The following SCAPER variants were observed in gnomAD, a reference collection of about 807,000 sequenced individuals.
The protein encoded by SCAPER is S phase cyclin A-associated protein in the endoplasmic reticulum.
In SCAPER, 98 loss-of-function variants were observed where a neutral mutation model predicts 182.2. That is an observed-to-expected ratio of 0.54 (90% CI 0.46 to 0.64). The LOEUF (loss-of-function observed/expected upper bound fraction) is 0.64, where lower values mean the gene tolerates loss of function less well. Among genes scored for constraint, SCAPER ranks in the 30% least tolerant of loss-of-function variants. The pLI is 0.00. For missense variants in SCAPER, 1,432 were observed against 1,690.0 expected (o/e 0.85, Z 2.68); for synonymous variants, 605 against 564.6 (o/e 1.07, Z -1.01).
intron 23 of SCAPER, among the ~76,000 whole-genome samples, chr15:76,524,700 T>G (rs1335121842): frequency 6.9e-6 from 1 of 145,006 alleles, no homozygotes; most frequent in Non-Finnish European, 1.5e-5. Context: ...TTTTTTTTTT[T>G]TTTTTTTTTT....
intron 24 of SCAPER, among the ~76,000 whole-genome samples, chr15:76,487,725 T>C (rs1024842894): frequency 6.6e-6 from 1 of 152,192 alleles, no homozygotes; most frequent in African/African-American, 2.4e-5. Flanking sequence ...GATTTAGATA[T>C]ATTTGATAGG....
At chr15:76,663,305 G>C (rs2056336094) in intron 21 of SCAPER, among the ~76,000 whole-genome samples, 1 of 152,112 alleles carries the variant, frequency 6.6e-6, no homozygotes, top group Non-Finnish European at 1.5e-5. Flanking sequence ...AGAATGTGAA[G>C]GACCTGGAAT....
chr15:76,762,178 G>T (rs1409850033), intron 14 of SCAPER, among the ~76,000 whole-genome samples: 1 of 152,208 alleles, frequency 6.6e-6, no homozygotes, highest in South Asian at 2.1e-4. Context: ...ATATGGTTGG[G>T]TATGTCTTTT....
chr15:76,546,018 A>G (rs1464863585), intron 23 of SCAPER, among the ~76,000 whole-genome samples: 4 of 152,182 alleles, frequency 2.6e-5, no homozygotes, highest in African/African-American at 9.6e-5. Context: ...GGAAAGTCCT[A>G]GCTCAACATC....
At chr15:76,553,442 C>A (rs2045941145) in intron 23 of SCAPER, among the ~76,000 whole-genome samples, 1 of 152,196 alleles carries the variant, frequency 6.6e-6, no homozygotes, top group African/African-American at 2.4e-5. Flanking sequence ...GATGTTTCTG[C>A]CCCACTCCCA....
chr15:76,626,057 C>G (rs550505908), intron 21 of SCAPER, among the ~76,000 whole-genome samples: 2 of 152,024 alleles, frequency 1.3e-5, no homozygotes, highest in African/African-American at 2.4e-5. Flanking sequence ...TGTGTTGGGC[C>G]GCATTCAAAG....
Position 76,699,889 on chromosome 15 carries a change from G to T in SCAPER, c.2508+1869C>A, listed in dbSNP as rs940157099. 9.9e-5 allele frequency among the ~76,000 whole-genome samples: 15 copies of T among 152,166 alleles called. 1 individual carries two copies. The highest frequency in any genetic ancestry group is 3.6e-4 in the African/African-American group (15 of 41,436). ...CTGGTGATGGCAGGGCAATGGCAACGGAGTCCATACCTGCACCGGTGCCAG... is the reference window on the plus strand; with the variant it reads ...CTGGTGATGGCAGGGCAATGGCAACTGAGTCCATACCTGCACCGGTGCCAG... On this transcript the variant is annotated intron_variant, in intron 20 of 31. Coordinates refer to ENST00000563290, the MANE Select transcript of SCAPER (RefSeq NM_020843.4).
intron 20 of SCAPER, among the ~76,000 whole-genome samples, chr15:76,676,855 G>A (rs912779014): frequency 2.7e-5 from 4 of 150,784 alleles, no homozygotes; most frequent in South Asian, 2.1e-4. Flanking sequence ...CTTTGTTTTT[G>A]CTTCAATTTT....
At chr15:76,470,758 G>C (rs1331898485) in intron 25 of SCAPER, among the ~76,000 whole-genome samples, 2 of 152,154 alleles carry the variant, frequency 1.3e-5, no homozygotes, top group Non-Finnish European at 1.5e-5. Context: ...CTTTCTAACA[G>C]AGGAGTTTTC....
At chr15:76,849,338 G>C (rs1458073212) in intron 4 of SCAPER, among the ~76,000 whole-genome samples, 2 of 152,176 alleles carry the variant, frequency 1.3e-5, no homozygotes, top group Non-Finnish European at 2.9e-5. Context: ...AAGACCCAAA[G>C]TGCCTTATCC....
At chr15:76,380,320 G>A (rs914154483) in intron 28 of SCAPER, 2 of 152,084 alleles carry the variant, frequency 1.3e-5, no homozygotes, top group Non-Finnish European at 2.9e-5. Context: ...TCTGGAGACA[G>A]AAAAGCATTA....
chr15:76,593,635 C>T lies in SCAPER; in HGVS notation c.2712-19351G>A, dbSNP rs1358584098. Among the ~76,000 whole-genome samples, 2 of 121,124 alleles carry T rather than the reference C, an allele frequency of 1.7e-5. 1 individual carries two copies. Among genetic ancestry groups the T allele is most frequent in the Non-Finnish European group, 4.0e-5 (2 of 49,736 alleles). The allele number at this position is 121,124 out of a possible 152,430, so 79.5% of individuals were successfully genotyped here. Reference sequence around the variant, plus strand: ...AGCCTCCAGAGGAAAAAACAGACAGCAATCTTTGCTGTTCTGCAGCATCCA... The same window carrying T: ...AGCCTCCAGAGGAAAAAACAGACAGTAATCTTTGCTGTTCTGCAGCATCCA... On this transcript the variant is annotated intron_variant, in intron 22 of 31. Transcript: ENST00000563290.
intron 21 of SCAPER, among the ~76,000 whole-genome samples, chr15:76,652,213 T>A (rs577922319): frequency 7.9e-6 from 1 of 126,712 alleles, no homozygotes; most frequent in South Asian, 2.7e-4. Flanking sequence ...AGGTCATGAG[T>A]TCGAGACCAG....
At chr15:76,491,708 T>C (rs918958924) in intron 24 of SCAPER, among the ~76,000 whole-genome samples, 1 of 152,148 alleles carries the variant, frequency 6.6e-6, no homozygotes, top group Admixed American at 6.5e-5. Context: ...CTAAGCTCAC[T>C]GCAACCCCCG....
intron 23 of SCAPER, among the ~76,000 whole-genome samples, chr15:76,544,405 C>T (rs2045057609): frequency 6.6e-6 from 1 of 152,098 alleles, no homozygotes; most frequent in South Asian, 2.1e-4. Context: ...AGAAACAACT[C>T]AAATGTCTAT....
At chr15:76,496,206 T>C (rs2040520837) in intron 24 of SCAPER, among the ~76,000 whole-genome samples, 3 of 146,564 alleles carry the variant, frequency 2.0e-5, no homozygotes. Flanking sequence ...TGGTGAAATG[T>C]TTAAGTTTCT....
At chr15:76,663,621 A>C (rs1378741783) in intron 21 of SCAPER, among the ~76,000 whole-genome samples, 1 of 152,074 alleles carries the variant, frequency 6.6e-6, no homozygotes, top group East Asian at 1.9e-4. Flanking sequence ...AAAAGAGTGG[A>C]TGTCATTTGT....
chr15:76,646,182 A>G (rs1034539068), intron 21 of SCAPER, among the ~76,000 whole-genome samples: 1 of 152,174 alleles, frequency 6.6e-6, no homozygotes, highest in Non-Finnish European at 1.5e-5. Flanking sequence ...AAGACATAGT[A>G]CAGTTAGCCC....
chr15:76,877,223 A>C (rs903935567), intron 2 of SCAPER, among the ~76,000 whole-genome samples: 14 of 152,190 alleles, frequency 9.2e-5, no homozygotes, highest in Admixed American at 9.2e-4. Context: ...AAAAAAAAAA[A>C]AATCCAAGAG....
Sources: gnomAD v4.1 joint callset for allele counts (sites outside exome capture counted in the v4.1 genomes callset) on GRCh38, gnomAD v4.1.1 for gene constraint, MANE v1.5 for transcripts, NCBI Gene and HGNC (gene_info 2026-07-23, HGNC 2026-07-21) for gene names.